The following CD96 variants were observed in gnomAD, a reference collection of about 807,000 sequenced individuals.
CD96 encodes CD96 molecule.
Under a neutral mutation model 71.3 loss-of-function variants are expected in CD96, and 70 were observed. The observed-to-expected ratio is 0.98, with a 90% CI of 0.81 to 1.20. The LOEUF (loss-of-function observed/expected upper bound fraction) is 1.20, where lower values mean the gene tolerates loss of function less well. Ranked by LOEUF, CD96 falls within the 50% of genes most tolerant of loss-of-function variation. The pLI, the probability that CD96 is intolerant of heterozygous loss-of-function variation, is 0.00. For synonymous variants in CD96, 248 were observed against 233.0 expected (o/e 1.06, Z -0.59); for missense variants, 742 against 677.5 (o/e 1.10, Z -1.06).
chr3:111,629,351 A>G (rs1282922044), intron 10 of CD96, among the ~76,000 whole-genome samples: 1 of 152,222 alleles, frequency 6.6e-6, no homozygotes, highest in East Asian at 1.9e-4. Flanking sequence ...AGGAAAAAGC[A>G]GAGGTTGCAG....
chr3:111,652,868 GTC>G (rs1477890231), downstream of CD96, among the ~76,000 whole-genome samples: 1 of 151,782 alleles, frequency 6.6e-6, no homozygotes, highest in Non-Finnish European at 1.5e-5. Context: ...AGCAACTCCT[GTC>G]TCTGTTAGTG....
chr3:111,621,838 T>C (rs1324175229), intron 8 of CD96, among the ~76,000 whole-genome samples: 1 of 152,158 alleles, frequency 6.6e-6, no homozygotes, highest in African/African-American at 2.4e-5. Context: ...TCCTCAGTAC[T>C]ATATAAGAGC....
At chr3:111,558,852 T>C (rs1399115784) in intron 2 of CD96, among the ~76,000 whole-genome samples, 1 of 151,152 alleles carries the variant, frequency 6.6e-6, no homozygotes, top group East Asian at 1.9e-4. Context: ...TCTTTTTGGT[T>C]GGTAAACTAT....
intron 12 of CD96, among the ~76,000 whole-genome samples, chr3:111,645,022 G>A (rs1939763646): frequency 6.6e-6 from 1 of 152,140 alleles, no homozygotes; most frequent in Admixed American, 6.6e-5. Flanking sequence ...TATCTGCCCA[G>A]AGGAAAAGAA....
At chr3:111,656,161 G>A (rs1224747964), downstream of CD96, among the ~76,000 whole-genome samples, 1 of 151,862 alleles carries the variant, frequency 6.6e-6, no homozygotes, top group African/African-American at 2.4e-5. Context: ...AAATATTGAG[G>A]ATAAAAAACT....
rs555398341 is a variant in CD96 at position 111,603,956 on chromosome 3, A to G, written c.1088-2744A>G. ...GTATCAGTTGAGAACTTTAATATGC[A>G]TATAAATCACCCAGGGATCTTGCTA... On this transcript the variant is annotated intron_variant, in intron 7 of 13. Coordinates refer to ENST00000352690, the MANE Select transcript of CD96 (RefSeq NM_005816.5). Among the ~76,000 whole-genome samples, 4 of 152,332 alleles carry G rather than the reference A, an allele frequency of 2.6e-5. No individual in the cohort carries two copies. The South Asian group carries it at 8.3e-4, about 32-fold the overall frequency.
At chr3:111,590,040 A>G (rs1047879303) in intron 5 of CD96, among the ~76,000 whole-genome samples, 4 of 152,208 alleles carry the variant, frequency 2.6e-5, no homozygotes, top group Admixed American at 2.0e-4. Context: ...CCTACCCACT[A>G]TTTATCATTT....
At chr3:111,646,283 T>C (rs1576431660) in intron 12 of CD96, among the ~76,000 whole-genome samples, 1 of 152,088 alleles carries the variant, frequency 6.6e-6, no homozygotes, top group Admixed American at 6.6e-5. Flanking sequence ...AGTCATCTAA[T>C]AGAATGAGGT....
intron 10 of CD96, among the ~76,000 whole-genome samples, chr3:111,630,702 CA>C (rs1189019719): frequency 2.6e-5 from 4 of 152,012 alleles, no homozygotes; most frequent in Non-Finnish European, 2.9e-5. Context: ...AGAGATACAA[CA>C]AAAAAAGAAA....
intron 1 of CD96, 86 bp downstream of exon 1, chr3:111,542,395 G>GCTACTGAAATTGATCACCA: frequency 1.2e-6 from 1 of 815,716 alleles, no homozygotes; most frequent in Non-Finnish European, 2.2e-6. Flanking sequence ...CCTTGTGACT[G>GCTACTGAAATTGATCACCA]CTGCTGAAAT....
In CD96 at chr3:111,637,234, C is replaced by A; in HGVS notation, c.1360C>A (p.Pro454Thr). The A allele has an allele frequency of 6.3e-7, 1 of 1,590,718 alleles. No homozygotes were observed. Among genetic ancestry groups the A allele is most frequent in the South Asian group, 1.1e-5 (1 of 90,644 alleles). The change falls in exon 11 of 14, where the codon CCG becomes ACG. Residue 454 changes from proline to threonine, a missense_variant. By Grantham distance (38) the Pro-to-Thr change is conservative. Coordinates refer to ENST00000352690, the MANE Select transcript of CD96 (RefSeq NM_005816.5). ...ACCTAGTGAAACATACAGTTCATCC[C>A]CGTCAGGTGCAGGCTCAACACTTCA... ...RIPSETYSSS[P>T]SGAGSTLHDN...
chr3:111,542,303 G>A lies in CD96; in HGVS notation c.55G>A (p.Val19Ile). The change falls in exon 1 of 14, where the codon GTC (valine) becomes ATC (isoleucine). Residue 19 changes from valine to isoleucine, a missense_variant. Coordinates refer to ENST00000352690, the MANE Select transcript of CD96 (RefSeq NM_005816.5). The part of the protein sequence containing the change: ...AVYYIIQIHF[V>I]KGVWEKTVNT... ...CTATTACATCATCCAGATACATTTT[G>A]TCAAGGGTAAGACTTCCAGTTGTCC... 2 of 1,613,622 alleles carry A rather than the reference G, an allele frequency of 1.2e-6. No individual in the cohort carries two copies. Among genetic ancestry groups the A allele is most frequent in the Non-Finnish European group, 1.7e-6 (2 of 1,179,510 alleles).
At chr3:111,642,261 G>T (rs910176621) in intron 12 of CD96, among the ~76,000 whole-genome samples, 1 of 152,094 alleles carries the variant, frequency 6.6e-6, no homozygotes, top group Non-Finnish European at 1.5e-5. Context: ...GATTAACCAA[G>T]AAAAGAAGAG....
chr3:111,647,196 C>A (rs1400030571), intron 12 of CD96, among the ~76,000 whole-genome samples: 1 of 147,482 alleles, frequency 6.8e-6, no homozygotes, highest in African/African-American at 2.5e-5. Context: ...ACCTATATAA[C>A]AAATTTGCAC....
rs1256064549 is a variant in CD96, at chr3:111,637,212, T to G, written c.1338T>G (p.Pro446=). The change falls in exon 11 of 14, where the codon CCT becomes CCG. Residue 446 remains proline, a synonymous_variant. Transcript: ENST00000352690. The part of the protein sequence containing the change: ...TDTKKSVSRI[P]SETYSSSPSG... ...TTCCTTTAGCAGTTTCACGGATACC[T>G]AGTGAAACATACAGTTCATCCCCGT... is the stretch of plus-strand genomic sequence containing the variant. The G allele has an allele frequency of 6.3e-7, 1 of 1,581,128 alleles. No homozygotes were observed. Among genetic ancestry groups the G allele is most frequent in the South Asian group, 1.1e-5 (1 of 90,454 alleles).
intron 5 of CD96, among the ~76,000 whole-genome samples, chr3:111,587,249 AT>A (rs1392104917): frequency 3.3e-5 from 5 of 152,228 alleles, no homozygotes; most frequent in Non-Finnish European, 5.9e-5. Context: ...TTTGCAGGGT[AT>A]AACTCCCCTC....
chr3:111,626,265 C>T (rs929186786), intron 10 of CD96, among the ~76,000 whole-genome samples: 14 of 138,296 alleles, frequency 1.0e-4, no homozygotes, highest in Admixed American at 4.0e-4. Context: ...CGAGATTGCG[C>T]CACTGCACTC....
At chr3:111,616,021 G>A (rs548028646) in intron 8 of CD96, among the ~76,000 whole-genome samples, 4 of 152,044 alleles carry the variant, frequency 2.6e-5, no homozygotes, top group East Asian at 1.9e-4. Context: ...TCACCTTCTC[G>A]ATGAGGTACT....
intron 7 of CD96, among the ~76,000 whole-genome samples, chr3:111,604,807 CT>C (rs897937709): frequency 6.6e-6 from 1 of 152,184 alleles, no homozygotes; most frequent in Non-Finnish European, 1.5e-5. Context: ...GCTTTGTAGA[CT>C]TTTTAATCTC....
Sources: gnomAD v4.1 joint callset for allele counts (sites outside exome capture counted in the v4.1 genomes callset) on GRCh38, gnomAD v4.1.1 for gene constraint, MANE v1.5 for transcripts, NCBI Gene and HGNC (gene_info 2026-07-23, HGNC 2026-07-21) for gene names.